The following CMYA5 variants were observed in gnomAD, a reference collection of about 807,000 sequenced individuals.
The protein encoded by CMYA5 is cardiomyopathy-associated protein 5.
CMYA5 carries 246 observed loss-of-function variants against 318.9 expected under a neutral mutation model. That is an observed-to-expected ratio of 0.77 (90% CI 0.70 to 0.86). CMYA5 has a LOEUF of 0.86. Ranked by LOEUF, CMYA5 falls within the 40% of genes least tolerant of loss-of-function variation. CMYA5 has a pLI of 0.00. For synonymous variants in CMYA5, 1,641 were observed against 1,729.5 expected, an observed-to-expected ratio of 0.95 and a Z score of 1.27; for missense variants, 4,589 against 4,678.2, an observed-to-expected ratio of 0.98 and a Z score of 0.56.
intron 1 of CMYA5, among the ~76,000 whole-genome samples, chr5:79,704,347 G>A (rs571576135): frequency 1.5e-3 from 226 of 152,162 alleles, no homozygotes; most frequent in Non-Finnish European, 2.3e-3. Context: ...TCACACTCAA[G>A]TGTGTTTCTG....
intron 2 of CMYA5, 89 bp downstream of exon 2, chr5:79,739,492 T>A: frequency 1.0e-6 from 1 of 1,003,132 alleles, no homozygotes; most frequent in Non-Finnish European, 1.4e-6. Context: ...AGATGATTAA[T>A]ATTTGATCAT....
chr5:79,735,426 G>A lies in CMYA5; in HGVS notation c.6661G>A (p.Gly2221Ser). ...AGCAGTGACTGTGATAGATCCTGAAGGTACAATTCCCACCAATTTTAATGT... is the reference window on the plus strand; with the variant it reads ...AGCAGTGACTGTGATAGATCCTGAAAGTACAATTCCCACCAATTTTAATGT... Reference protein sequence around the residue: ...EKAVTVIDPEGTIPTNFNVAE... With the variant: ...EKAVTVIDPESTIPTNFNVAE... The change falls in exon 2 of 13, where the codon GGT becomes AGT. Residue 2221 changes from glycine to serine, a missense_variant. Around this residue, in one of 3 missense-constraint regions of CMYA5, gnomAD observed 2,431 missense variants for 2,495.1 expected, o/e 0.97. Transcript: ENST00000446378. 6.2e-7 allele frequency: 1 copy of A among 1,613,848 alleles called. No homozygotes were observed. Among genetic ancestry groups the A allele is most frequent in the African/African-American group, 1.3e-5 (1 of 75,008 alleles).
intron 1 of CMYA5, among the ~76,000 whole-genome samples, chr5:79,705,524 A>G (rs983886936): frequency 6.6e-6 from 1 of 152,114 alleles, no homozygotes; most frequent in Non-Finnish European, 1.5e-5. Context: ...TGCCTGCAGA[A>G]AATTTTTAAA....
chr5:79,729,550 G>A lies in CMYA5; in HGVS notation c.785G>A (p.Gly262Glu). ...ATTAAAGAAATACATTATAGGAAAG[G>A]GAAAGATGCATCCATTAGTCTAGAG... ...YVIKEIHYRK[G>E]KDASISLEPD... The change falls in exon 2 of 13, where the codon GGG becomes GAG. Residue 262 changes from glycine (G) to glutamate (E), a missense_variant. By Grantham distance (98) the Gly-to-Glu change is moderately conservative. Around this residue, in one of 3 missense-constraint regions of CMYA5, gnomAD observed 2,132 missense variants for 2,131.3 expected, o/e 1.00. Transcript: ENST00000446378. 1.2e-6 allele frequency: 2 copies of A among 1,613,384 alleles called. No homozygotes were observed. The highest frequency in any genetic ancestry group is 8.5e-7 in the Non-Finnish European group (1 of 1,179,382).
intron 7 of CMYA5, among the ~76,000 whole-genome samples, chr5:79,761,027 G>C (rs1828641205): frequency 6.6e-6 from 1 of 152,094 alleles, no homozygotes; most frequent in Non-Finnish European, 1.5e-5. Context: ...ATAAGGGGGG[G>C]AAACTGAAAT....
chr5:79,720,959 T>C (rs1334356422), intron 1 of CMYA5, among the ~76,000 whole-genome samples: 3 of 152,144 alleles, frequency 2.0e-5, no homozygotes, highest in Non-Finnish European at 4.4e-5. Context: ...ATATTGACAA[T>C]AAAAATAATT....
chr5:79,721,230 G>A (rs760243452), intron 1 of CMYA5, among the ~76,000 whole-genome samples: 2 of 152,134 alleles, frequency 1.3e-5, no homozygotes, highest in Admixed American at 6.6e-5. Flanking sequence ...GCTGAGTGTG[G>A]TGGCTCACTT....
intron 1 of CMYA5, among the ~76,000 whole-genome samples, chr5:79,717,882 C>CTTTTTTTT (rs1827548657): frequency 9.5e-6 from 1 of 105,388 alleles, no homozygotes; most frequent in African/African-American, 5.9e-5. Flanking sequence ...TTAACCTAAG[C>CTTTTTTTT]TATTTTTTTT....
In CMYA5 at chr5:79,799,636, G is replaced by T; in HGVS notation, c.*20G>T. On this transcript the variant is annotated 3_prime_UTR_variant, in exon 13 of 13. Transcript: ENST00000446378. Reference sequence around the variant, plus strand: ...AAGTGATCCTTGGCTTTCAGAATTTGCAAGAACAGCGATTTGAATTTTGGG... The same window carrying T: ...AAGTGATCCTTGGCTTTCAGAATTTTCAAGAACAGCGATTTGAATTTTGGG... 1 of 1,594,382 alleles carries T rather than the reference G, an allele frequency of 6.3e-7. No individual in the cohort carries two copies. The highest frequency in any genetic ancestry group is 1.1e-5 in the South Asian group (1 of 89,146).
At chr5:79,785,427 A>C (rs988543011) in intron 9 of CMYA5, among the ~76,000 whole-genome samples, 1 of 152,048 alleles carries the variant, frequency 6.6e-6, no homozygotes. Context: ...CCTATCCAAG[A>C]ACTGATGTGC....
At position 79,736,065 on chromosome 5, in the gene CMYA5, C is replaced by T; in HGVS notation, c.7300C>T (p.Gln2434Ter). The T allele has an allele frequency of 6.2e-7, 1 of 1,612,008 alleles. No homozygotes were observed. The highest frequency in any genetic ancestry group is 1.1e-5 in the South Asian group (1 of 90,450). Residue 2434 changes from glutamine to a stop codon, truncating the protein, a stop_gained, in exon 2 of 13, where the codon CAA becomes TAA. Transcript: ENST00000446378. LOFTEE classifies it high-confidence loss of function. ...FSEDRLKKEMQNPTSLKISEE... is the reference protein window; with the variant it reads ...FSEDRLKKEM ...TGAAGACAGACTCAAGAAAGAAATGCAAAATCCTACTTCCTTGAAAATTTC... is the reference window on the plus strand; with the variant it reads ...TGAAGACAGACTCAAGAAAGAAATGTAAAATCCTACTTCCTTGAAAATTTC...
Position 79,732,705 on chromosome 5 carries a change from A to G in CMYA5, c.3940A>G (p.Ile1314Val). The G allele has an allele frequency of 1.9e-6, 3 of 1,613,556 alleles. 1 individual carries two copies. Among genetic ancestry groups the G allele is most frequent in the South Asian group, 2.2e-5 (2 of 90,978 alleles). The change falls in exon 2 of 13, where the codon ATA becomes GTA. Residue 1314 changes from isoleucine to valine, a missense_variant. Physicochemically the swap from Ile to Val is conservative, Grantham distance 29. This residue lies in a region of CMYA5 where 2,132 missense variants were observed against 2,131.3 expected (regional missense o/e 1.00). Coordinates refer to ENST00000446378, the MANE Select transcript of CMYA5 (RefSeq NM_153610.5). Reference protein sequence around the residue: ...KHDSKITTTPIVLHSASSGVE... With the variant: ...KHDSKITTTPVVLHSASSGVE... ...TGATTCCAAAATAACAACTACACCT[A>G]TAGTGCTTCATTCAGCTTCCTCAGG...
At position 79,799,650 on chromosome 5, in the gene CMYA5, T is replaced by A. The variant is rs200054458; in HGVS notation, c.*34T>A. The A allele has an allele frequency of 1.5e-3, 2,455 of 1,584,846 alleles. 4 individuals carry two copies. The highest frequency in any genetic ancestry group is 1.9e-3 in the Non-Finnish European group (2,260 of 1,161,706). On this transcript the variant is annotated 3_prime_UTR_variant, in exon 13 of 13. Coordinates refer to ENST00000446378, the MANE Select transcript of CMYA5 (RefSeq NM_153610.5). ...TTTCAGAATTTGCAAGAACAGCGAT[T>A]TGAATTTTGGGGGGGTCTGCTGTTC...
chr5:79,735,910 A>C lies in CMYA5; in HGVS notation c.7145A>C (p.Asp2382Ala). ...TCACTCCTTTCATTTGATGTAGTAG[A>C]TAAGGTGCCACAACAGCCAAAATCA... ...QKSLLSFDVV[D>A]KVPQQPKSAS... Residue 2382 changes from aspartate to alanine, a missense_variant, in exon 2 of 13, where the codon GAT (aspartate) becomes GCT (alanine). Transcript: ENST00000446378. 1 of 1,603,960 alleles carries C rather than the reference A, an allele frequency of 6.2e-7. No individual in the cohort carries two copies. Among genetic ancestry groups the C allele is most frequent in the African/African-American group, 1.3e-5 (1 of 74,286 alleles).
At chr5:79,721,064 G>A (rs925257870) in intron 1 of CMYA5, among the ~76,000 whole-genome samples, 1 of 152,140 alleles carries the variant, frequency 6.6e-6, no homozygotes, top group Admixed American at 6.5e-5. Flanking sequence ...CTGGGAATAG[G>A]TAAAAATATC....
intron 9 of CMYA5, chr5:79,778,219 T>C (rs1219188421): frequency 1.3e-5 from 2 of 152,254 alleles, no homozygotes; most frequent in Non-Finnish European, 2.9e-5. Context: ...GCTGCAGTAA[T>C]AAACCTTGTG....
chr5:79,761,997 C>A (rs758215600), intron 8 of CMYA5, 40 bp downstream of exon 8: 1 of 1,586,826 alleles, frequency 6.3e-7, no homozygotes, highest in Admixed American at 1.7e-5. Flanking sequence ...GAAGACAACG[C>A]TCAGTTCTTC....
At chr5:79,706,034 A>G (rs564393542) in intron 1 of CMYA5, among the ~76,000 whole-genome samples, 3 of 152,336 alleles carry the variant, frequency 2.0e-5, no homozygotes, top group Admixed American at 6.5e-5. Flanking sequence ...CCGCAATGCA[A>G]CAGGGCTCTT....
At chr5:79,690,503 G>A (rs1826947268) in intron 1 of CMYA5, among the ~76,000 whole-genome samples, 1 of 152,086 alleles carries the variant, frequency 6.6e-6, no homozygotes, top group Admixed American at 6.5e-5. Flanking sequence ...GCAATAAGGT[G>A]ACCTTATTTT....
Sources: allele counts gnomAD v4.1 joint callset (sites outside exome capture counted in the v4.1 genomes callset), GRCh38; gene constraint gnomAD v4.1.1; regional missense constraint gnomAD v4.1.1; transcripts MANE v1.5; gene names NCBI Gene and HGNC (gene_info 2026-07-23, HGNC 2026-07-21).